Variants in COG8 observed in about 807,000 individuals in gnomAD.
COG8 encodes the protein conserved oligomeric Golgi complex subunit 8.
In COG8, 45 loss-of-function variants were observed where a neutral mutation model predicts 46.5. That is an observed-to-expected ratio of 0.97 (90% CI 0.76 to 1.24). The LOEUF (loss-of-function observed/expected upper bound fraction) is 1.24. Among genes scored for constraint, COG8 ranks in the 50% most tolerant of loss-of-function variants. COG8 has a pLI of 0.00. For missense variants in COG8, 793 were observed against 820.8 expected (o/e 0.97, Z 0.41); for synonymous variants, 407 against 347.8 (o/e 1.17, Z -1.90).
intron 5 of COG8, 122 bp downstream of exon 5, chr16:69,330,691 C>A: frequency 7.2e-7 from 1 of 1,397,738 alleles, no homozygotes; most frequent in Admixed American, 2.9e-5. Context: ...CCTGCTTAGA[C>A]TGGCAGTGAG....
rs1370776525 is a variant in COG8, at chr16:69,326,599, C to T, written c.*2607G>A. 4 of 152,246 alleles carry T rather than the reference C, an allele frequency of 2.6e-5. No homozygotes were observed. The highest frequency in any genetic ancestry group is 4.4e-5 in the Non-Finnish European group (3 of 68,058). 9.4% of individuals were successfully genotyped at this position (152,246 alleles called of 1,614,324 possible). On this transcript the variant is annotated 3_prime_UTR_variant, in exon 6 of 6. Transcript: ENST00000306875. ...TTAGAGCGTGAAGACACCTGACTTTCCAGTTGTCTCTCTCCATGACCAGCA... is the reference window on the plus strand; with the variant it reads ...TTAGAGCGTGAAGACACCTGACTTTTCAGTTGTCTCTCTCCATGACCAGCA...
chr16:69,335,285 T>A lies in COG8; in HGVS notation c.649A>T (p.Arg217Trp). 1 of 1,612,596 alleles carries A rather than the reference T, an allele frequency of 6.2e-7. No individual in the cohort carries two copies. The highest frequency in any genetic ancestry group is 8.5e-7 in the Non-Finnish European group (1 of 1,179,784). ...LMLSQLIQQL[R>W]TNIQLPACLR... ...CAGGCAGGAAGCTGGATGTTGGTCC[T>A]CAGTTGCTGGATCAGCTGGCTCAGC... Residue 217 changes from arginine to tryptophan, a missense_variant, in exon 3 of 6, where the codon AGG becomes TGG. Arg to Trp is a moderately radical substitution (Grantham distance 101). Coordinates refer to ENST00000306875, the MANE Select transcript of COG8 (RefSeq NM_032382.5).
At chr16:69,336,215 C>T (rs1028111373) in intron 2 of COG8, among the ~76,000 whole-genome samples, 6 of 152,178 alleles carry the variant, frequency 3.9e-5, no homozygotes, top group Admixed American at 6.5e-5. Flanking sequence ...TCAGACACCA[C>T]TATCTGAAAT....
intron 5 of COG8, among the ~76,000 whole-genome samples, chr16:69,329,605 C>T (rs1965719367): frequency 6.6e-6 from 1 of 152,228 alleles, no homozygotes; most frequent in Non-Finnish European, 1.5e-5. Flanking sequence ...CCGCATTCCG[C>T]GAGGCATCCT....
At position 69,326,516 on chromosome 16, in the gene COG8, G is replaced by A. The variant is rs1376680747; in HGVS notation, c.*2690C>T. The A allele has an allele frequency of 6.6e-6, 1 of 152,180 alleles. No homozygotes were observed. The highest frequency in any genetic ancestry group is 1.5e-5 in the Non-Finnish European group (1 of 68,038). 9.4% of individuals were successfully genotyped at this position (152,180 alleles called of 1,614,324 possible). Reference sequence around the variant, plus strand: ...CTCATTCCTACTGCTTAAACACCTTGACAAGTCCTAGGGGTTAACAAAGGT... The same window carrying A: ...CTCATTCCTACTGCTTAAACACCTTAACAAGTCCTAGGGGTTAACAAAGGT... On this transcript the variant is annotated 3_prime_UTR_variant, in exon 6 of 6. Coordinates refer to ENST00000306875, the MANE Select transcript of COG8 (RefSeq NM_032382.5).
In COG8 at chr16:69,327,723, CTG is replaced by C. The variant is rs1965644140; in HGVS notation, c.*1481_*1482del. On this transcript the variant is annotated 3_prime_UTR_variant, in exon 6 of 6. Transcript: ENST00000306875. ...ATGAGGTGAAACAGTTTAACTAAAACTGGAGTTTGGCTGGGTAGTGTGGCTCA... is the reference window on the plus strand; with the variant it reads ...ATGAGGTGAAACAGTTTAACTAAAACGAGTTTGGCTGGGTAGTGTGGCTCA... 1 of 152,106 alleles carries C rather than the reference CTG, an allele frequency of 6.6e-6. No individual in the cohort carries two copies. Among genetic ancestry groups the C allele is most frequent in the African/African-American group, 2.4e-5 (1 of 41,486 alleles). 9.4% of individuals were successfully genotyped at this position (152,106 alleles called of 1,614,324 possible).
chr16:69,330,097 C>A, intron 5 of COG8: 1 of 1,580,382 alleles, frequency 6.3e-7, no homozygotes. Flanking sequence ...CAAGCACTCG[C>A]AGGCTGGGGT....
chr16:69,330,540 A>G lies in COG8; in HGVS notation c.*26+273T>C, dbSNP rs8057004. 464,972 of 1,475,122 alleles carry G rather than the reference A, an allele frequency of 0.32. 75,742 individuals are homozygous for G. The highest frequency in any genetic ancestry group is 0.44 in the African/African-American group (29,482 of 67,694). The allele number at this position is 1,475,122 out of a possible 1,614,324, so 91.4% of individuals were successfully genotyped here. On this transcript the variant is annotated intron_variant, in intron 5 of 5. Transcript: ENST00000306875. ...CACGGCACGGCCGCCCACAGTGGCC[A>G]AAGACTCAGCGCGCCCCACAGCCGG...
chr16:69,329,446 C>G (rs1006285483), intron 5 of COG8, among the ~76,000 whole-genome samples: 1 of 152,214 alleles, frequency 6.6e-6, no homozygotes, highest in Non-Finnish European at 1.5e-5. Flanking sequence ...ACGGTGCGAC[C>G]CTTCCGAACA....
chr16:69,337,276 G>A (rs969432818), intron 1 of COG8, among the ~76,000 whole-genome samples: 6 of 129,618 alleles, frequency 4.6e-5, no homozygotes, highest in Non-Finnish European at 9.5e-5. Flanking sequence ...GCAAGACTCC[G>A]TCTCAAAAAA....
intron 2 of COG8, among the ~76,000 whole-genome samples, chr16:69,336,142 C>T (rs534175270): frequency 7.9e-5 from 12 of 152,284 alleles, no homozygotes; most frequent in Non-Finnish European, 1.8e-4. Context: ...AAGAGTCCTT[C>T]TTGATCACCC....
chr16:69,328,846 T>C lies in COG8; in HGVS notation c.*360A>G. 1.2e-6 allele frequency: 1 copy of C among 840,300 alleles called. No homozygotes were observed. Among genetic ancestry groups the C allele is most frequent in the Admixed American group, 2.9e-5 (1 of 34,168 alleles). The allele number at this position is 840,300 out of a possible 1,614,324, so 52.1% of individuals were successfully genotyped here. Reference sequence around the variant, plus strand: ...TTGTAGCCAACATTTTGTCCGTAACTGATTTCAGGGCAAACATTTCTGACA... The same window carrying C: ...TTGTAGCCAACATTTTGTCCGTAACCGATTTCAGGGCAAACATTTCTGACA... On this transcript the variant is annotated 3_prime_UTR_variant, in exon 6 of 6. Transcript: ENST00000306875.
At position 69,329,850 on chromosome 16, in the gene COG8, C is replaced by G. The variant is rs777847719; in HGVS notation, c.*27-671G>C. The G allele has an allele frequency of 8.7e-5, 89 of 1,021,014 alleles. 1 individual carries two copies. The Middle Eastern group carries it at 1.3e-3, about 14-fold the overall frequency. 63.2% of individuals were successfully genotyped at this position (1,021,014 alleles called of 1,614,324 possible). A position where few individuals can be genotyped will look rare whatever the true frequency, so the allele number is the denominator to read the frequency against. On this transcript the variant is annotated intron_variant, in intron 5 of 5. Transcript: ENST00000306875. ...GGCTCTACCCCACAGGAGCTTCTAT[C>G]CGTCCTGAGGCCTCTCCGCTCCCGC...
rs1045276648 is a variant in COG8, at chr16:69,327,061, A to G, written c.*2145T>C. ...TGAAAGGAGGCTCAGCTGAATTCTA[A>G]TTTTCCTAAAGACCCATGTTTTTAG... On this transcript the variant is annotated 3_prime_UTR_variant, in exon 6 of 6. Transcript: ENST00000306875. The G allele has an allele frequency of 2.6e-5, 4 of 151,166 alleles. No individual in the cohort carries two copies. The highest frequency in any genetic ancestry group is 2.4e-5 in the African/African-American group (1 of 41,092). 9.4% of individuals were successfully genotyped at this position (151,166 alleles called of 1,614,324 possible).
intron 5 of COG8, 141 bp downstream of exon 5, chr16:69,330,672 C>T: frequency 7.2e-7 from 1 of 1,393,160 alleles, no homozygotes; most frequent in Non-Finnish European, 9.3e-7. Context: ...GCGACTGGAT[C>T]CCCGCCTTCC....
At chr16:69,330,297 G>A (rs762600067) in intron 5 of COG8, 85 of 1,431,670 alleles carry the variant, frequency 5.9e-5, no homozygotes, top group Non-Finnish European at 8.2e-6. Flanking sequence ...AGCCGCTGCA[G>A]CTCGGGCCCG....
chr16:69,334,187 C>T (rs757865745), intron 3 of COG8, among the ~76,000 whole-genome samples: 33 of 152,174 alleles, frequency 2.2e-4, no homozygotes, highest in Admixed American at 4.6e-4. Context: ...AGAGAGGACC[C>T]GGTTGTGCTG....
Position 69,334,952 on chromosome 16 carries a change from G to A in COG8, c.982C>T (p.Gln328Ter), listed in dbSNP as rs1254409729. ...CGGTAAAGGTCGGTCTCCAGCACCTGCAGGAATTGTGAGACCTTCTGTAGC... is the reference window on the plus strand; with the variant it reads ...CGGTAAAGGTCGGTCTCCAGCACCTACAGGAATTGTGAGACCTTCTGTAGC... ...WVLQKVSQFL[Q>*]VLETDLYRGI... The change falls in exon 3 of 6, where the codon CAG (glutamine) becomes TAG (stop). Residue 328 changes from glutamine to a stop codon, truncating the protein, a stop_gained. Coordinates refer to ENST00000306875, the MANE Select transcript of COG8 (RefSeq NM_032382.5). LOFTEE classifies it high-confidence loss of function. 6.2e-7 allele frequency: 1 copy of A among 1,614,018 alleles called. No homozygotes were observed. Among genetic ancestry groups the A allele is most frequent in the Admixed American group, 1.7e-5 (1 of 59,990 alleles).
rs374827814 is a variant in COG8 at position 69,339,246 on chromosome 16, G to A, written c.307C>T (p.Leu103=). The change falls in exon 1 of 6, where the codon CTG becomes TTG. Residue 103 remains leucine (L), a synonymous_variant. Coordinates refer to ENST00000306875, the MANE Select transcript of COG8 (RefSeq NM_032382.5). The stretch of plus-strand genomic sequence containing the variant: ...AGCGACGCCTCCACGTCGCCAAACA[G>A]GCGGTGGATGCGCTCGGTGCACTCG... ...GAECTERIHR[L]FGDVEASLGR... 144 of 1,612,632 alleles carry A rather than the reference G, an allele frequency of 8.9e-5. No individual in the cohort carries two copies. The highest frequency in any genetic ancestry group is 1.2e-4 in the Non-Finnish European group (136 of 1,179,830).
Sources: allele counts gnomAD v4.1 joint callset (sites outside exome capture counted in the v4.1 genomes callset), GRCh38; gene constraint gnomAD v4.1.1; transcripts MANE v1.5; gene names NCBI Gene and HGNC (gene_info 2026-07-23, HGNC 2026-07-21).